WWOX: variants seen among roughly 807,000 people sequenced by gnomAD.
WWOX encodes the protein WW domain-containing oxidoreductase.
Under a neutral mutation model 46.2 loss-of-function variants are expected in WWOX, and 69 were observed. The observed-to-expected ratio is 1.49, with a 90% confidence interval of 1.23 to 1.82. WWOX has a LOEUF of 1.82. Ranked by LOEUF, WWOX falls within the 40% of genes most tolerant of loss-of-function variation. WWOX has a pLI of 0.00. For missense variants in WWOX, 919 were observed against 542.6 expected (o/e 1.69, Z -6.89); for synonymous variants, 359 against 202.6 (o/e 1.77, Z -6.56).
chr16:78,253,073 C>T (rs748668000), intron 5 of WWOX, among the ~76,000 whole-genome samples: 34 of 152,052 alleles, frequency 2.2e-4, no homozygotes, highest in Non-Finnish European at 4.6e-4. Flanking sequence ...TCAAATTTTC[C>T]AGCTCTGTTT....
chr16:78,248,850 T>A (rs1033442862), intron 5 of WWOX, among the ~76,000 whole-genome samples: 7 of 151,360 alleles, frequency 4.6e-5, no homozygotes, highest in Admixed American at 6.6e-5. Context: ...GAGGAAGTAC[T>A]TATGCCCCCC....
chr16:78,788,754 CT>C (rs1371802362), intron 8 of WWOX, among the ~76,000 whole-genome samples: 1 of 152,174 alleles, frequency 6.6e-6, no homozygotes, highest in East Asian at 1.9e-4. Flanking sequence ...GAACTTCCAC[CT>C]GAAGCCCCTC....
At chr16:78,976,957 C>T (rs2046584621) in intron 8 of WWOX, among the ~76,000 whole-genome samples, 1 of 152,124 alleles carries the variant, frequency 6.6e-6, no homozygotes. Context: ...AGATTTGACA[C>T]CTCTTTTTTT....
At chr16:78,677,384 C>T (rs1387422982) in intron 8 of WWOX, among the ~76,000 whole-genome samples, 1 of 152,152 alleles carries the variant, frequency 6.6e-6, no homozygotes, top group East Asian at 1.9e-4. Context: ...AAAATTTTGG[C>T]CTGCATCCTG....
intron 5 of WWOX, among the ~76,000 whole-genome samples, chr16:78,376,483 T>G (rs1252376357): frequency 6.6e-6 from 1 of 152,200 alleles, no homozygotes; most frequent in Non-Finnish European, 1.5e-5. Context: ...AACTTCTGTA[T>G]TATTTGTAAT....
chr16:78,538,548 G>C (rs1435425516), intron 8 of WWOX, among the ~76,000 whole-genome samples: 4 of 152,138 alleles, frequency 2.6e-5, no homozygotes, highest in Admixed American at 1.3e-4. Flanking sequence ...TTCCAGACGA[G>C]CATGCTCTGA....
intron 8 of WWOX, among the ~76,000 whole-genome samples, chr16:79,050,826 C>T (rs778122183): frequency 2.6e-5 from 4 of 152,162 alleles, no homozygotes; most frequent in East Asian, 1.9e-4. Context: ...CTTTAGGAAA[C>T]GAGATGAATT....
intron 8 of WWOX, chr16:78,898,171 C>T (rs2044745290): frequency 6.6e-6 from 1 of 151,822 alleles, no homozygotes; most frequent in African/African-American, 2.4e-5. Context: ...TCCAATTTAT[C>T]TTTTTCATTT....
intron 8 of WWOX, among the ~76,000 whole-genome samples, chr16:79,015,693 AGTTT>A (rs1262757953): frequency 6.6e-6 from 1 of 152,050 alleles, no homozygotes; most frequent in Non-Finnish European, 1.5e-5. Flanking sequence ...TTCTCTTATT[AGTTT>A]ATCTTTTCCA....
At position 78,506,728 on chromosome 16, in the gene WWOX, T is replaced by TTTTTTTTTTTTTTTTTTTTTG. The variant is rs1330915138; in HGVS notation, c.1056+73976_1056+73977insTTTTTTTTTTTTTTTTTTTTG. On this transcript the variant is annotated intron_variant, in intron 8 of 8. Transcript: ENST00000566780. ...TTTTTTTTTTTTTTTTTTTTTTTTTTGTACAGAGTCTTGCTCTGTTGTCCA... is the reference window on the plus strand; with the variant it reads ...TTTTTTTTTTTTTTTTTTTTTTTTTTTTTTTTTTTTTTTTTTTTTTGGTACAGAGTCTTGCTCTGTTGTCCA... Among the ~76,000 whole-genome samples the TTTTTTTTTTTTTTTTTTTTTG allele has an allele frequency of 8.5e-5, 8 of 93,620 alleles. 1 individual carries two copies. Among genetic ancestry groups the TTTTTTTTTTTTTTTTTTTTTG allele is most frequent in the Non-Finnish European group, 1.6e-4 (7 of 44,392 alleles). The allele number at this position is 93,620 out of a possible 152,430, so 61.4% of individuals were successfully genotyped here. A position where few individuals can be genotyped will look rare whatever the true frequency, so the allele number is the denominator to read the frequency against.
chr16:78,694,633 C>T (rs1251909797), intron 8 of WWOX, among the ~76,000 whole-genome samples: 2 of 152,228 alleles, frequency 1.3e-5, no homozygotes, highest in African/African-American at 4.8e-5. Context: ...AGGCATTCTG[C>T]ATGCCCATGT....
At chr16:78,917,145 C>A (rs575249283) in intron 8 of WWOX, among the ~76,000 whole-genome samples, 1 of 152,110 alleles carries the variant, frequency 6.6e-6, no homozygotes, top group African/African-American at 2.4e-5. Context: ...GACAACATGC[C>A]CACTCTCAAC....
At chr16:78,398,062 A>G (rs764535612) in intron 6 of WWOX, among the ~76,000 whole-genome samples, 3 of 152,130 alleles carry the variant, frequency 2.0e-5, no homozygotes, top group Non-Finnish European at 2.9e-5. Context: ...CTTTCTTTCT[A>G]CTTGTCTTCA....
chr16:78,628,924 G>C (rs1261261558), intron 8 of WWOX, among the ~76,000 whole-genome samples: 1 of 152,080 alleles, frequency 6.6e-6, no homozygotes, highest in African/African-American at 2.4e-5. Flanking sequence ...TATCTTACAA[G>C]AGGCATATTT....
intron 8 of WWOX, among the ~76,000 whole-genome samples, chr16:78,839,608 T>C (rs868097436): frequency 6.6e-6 from 1 of 152,156 alleles, no homozygotes; most frequent in African/African-American, 2.4e-5. Context: ...TGTCAGCACA[T>C]ATTTATTTTC....
chr16:78,535,853 G>C (rs2043746939), intron 8 of WWOX, among the ~76,000 whole-genome samples: 1 of 152,154 alleles, frequency 6.6e-6, no homozygotes, highest in Non-Finnish European at 1.5e-5. Context: ...GTATGACCTA[G>C]AGCAAGGGGT....
chr16:78,275,331 C>G (rs2079557389), intron 5 of WWOX, among the ~76,000 whole-genome samples: 1 of 152,248 alleles, frequency 6.6e-6, no homozygotes, highest in African/African-American at 2.4e-5. Context: ...TTGACTCACC[C>G]TGTACGGTGG....
intron 8 of WWOX, among the ~76,000 whole-genome samples, chr16:79,116,201 T>C (rs946236930): frequency 1.3e-5 from 2 of 152,172 alleles, no homozygotes; most frequent in African/African-American, 4.8e-5. Context: ...ATGGATCAAG[T>C]TGGCGGTTGC....
intron 5 of WWOX, among the ~76,000 whole-genome samples, chr16:78,264,180 AG>A (rs976489232): frequency 1.3e-5 from 2 of 151,850 alleles, no homozygotes; most frequent in African/African-American, 4.8e-5. Flanking sequence ...AGAGGGCCCC[AG>A]GGACCCACTT....
Sources: allele counts gnomAD v4.1 joint callset (sites outside exome capture counted in the v4.1 genomes callset), GRCh38; gene constraint gnomAD v4.1.1; transcripts MANE v1.5; gene names NCBI Gene and HGNC (gene_info 2026-07-23, HGNC 2026-07-21).